MOSMO: variants seen among roughly 807,000 people sequenced by gnomAD.
MOSMO encodes the protein modulator of smoothened protein.
A neutral mutation model predicts 18.4 loss-of-function variants in MOSMO; 5 were observed. That is an observed-to-expected ratio of 0.27 (90% CI 0.14 to 0.57). MOSMO has a LOEUF of 0.57. MOSMO is among the 20% of genes least tolerant of loss of function. The pLI, the probability that MOSMO is intolerant of heterozygous loss-of-function variation, is 0.92. For synonymous variants in MOSMO, 82 were observed against 82.3 expected (o/e 1.00, Z 0.02); for missense variants, 138 against 211.8 (o/e 0.65, Z 2.16).
chr16:22,077,250 C>G (rs112690964), intron 2 of MOSMO, among the ~76,000 whole-genome samples: 2 of 152,114 alleles, frequency 1.3e-5, no homozygotes, highest in Middle Eastern at 3.2e-3. Context: ...GTTATATGCT[C>G]TCATGAGCTA....
At chr16:22,047,275 T>C (rs34270610) in intron 1 of MOSMO, among the ~76,000 whole-genome samples, 11,809 of 147,628 alleles carry the variant, frequency 0.08, 670 homozygotes, top group South Asian at 0.24. Flanking sequence ...GACGGAGTCT[T>C]GCTCTGTCGC....
intron 1 of MOSMO, among the ~76,000 whole-genome samples, chr16:22,063,008 AT>A (rs2141762256): frequency 6.6e-6 from 1 of 152,264 alleles, no homozygotes; most frequent in African/African-American, 2.4e-5. Context: ...ACATGCCACC[AT>A]TCCCAGCTAA....
At position 22,033,359 on chromosome 16, in the gene MOSMO, T is replaced by A. The variant is rs552288313; in HGVS notation, c.106+24952T>A. Among the ~76,000 whole-genome samples, 12 of 152,278 alleles carry A rather than the reference T, an allele frequency of 7.9e-5. 2 individuals carry two copies. The highest frequency in any genetic ancestry group is 7.8e-4 in the Admixed American group (12 of 15,296). ...TAAATCTTTAGTTTCAGCAACATTTTATAGTGTTCAGTGTACAAGTCTTGT... is the reference window on the plus strand; with the variant it reads ...TAAATCTTTAGTTTCAGCAACATTTAATAGTGTTCAGTGTACAAGTCTTGT... On this transcript the variant is annotated intron_variant, in intron 1 of 2. Coordinates refer to ENST00000542527, the MANE Select transcript of MOSMO (RefSeq NM_001164579.2).
intron 1 of MOSMO, among the ~76,000 whole-genome samples, chr16:22,073,377 T>C (rs947627995): frequency 6.6e-6 from 1 of 152,142 alleles, no homozygotes; most frequent in Non-Finnish European, 1.5e-5. Context: ...TTGCCAGCAG[T>C]TACATCTTTT....
chr16:22,046,492 A>G (rs1900311717), intron 1 of MOSMO, among the ~76,000 whole-genome samples: 1 of 152,200 alleles, frequency 6.6e-6, no homozygotes, highest in African/African-American at 2.4e-5. Context: ...TTATATATTA[A>G]TAATCCTGTA....
intron 1 of MOSMO, among the ~76,000 whole-genome samples, chr16:22,072,588 G>T (rs1019276595): frequency 6.6e-6 from 1 of 152,116 alleles, no homozygotes; most frequent in East Asian, 1.9e-4. Flanking sequence ...GAGACGGGCG[G>T]ATCACGAGGT....
chr16:22,087,880 T>G (rs1048828686), downstream of MOSMO, among the ~76,000 whole-genome samples: 1 of 152,240 alleles, frequency 6.6e-6, no homozygotes, highest in Non-Finnish European at 1.5e-5. Context: ...TGTAGATTTT[T>G]TTAAAAAACA....
At chr16:22,024,556 G>A (rs918106412) in intron 1 of MOSMO, among the ~76,000 whole-genome samples, 6 of 151,826 alleles carry the variant, frequency 4.0e-5, no homozygotes, top group African/African-American at 1.2e-4. Context: ...TAGCAGAGAC[G>A]GGGTTTCACC....
At chr16:22,052,126 G>A (rs1230277903) in intron 1 of MOSMO, among the ~76,000 whole-genome samples, 6 of 152,062 alleles carry the variant, frequency 3.9e-5, no homozygotes, top group African/African-American at 9.7e-5. Flanking sequence ...ATTTCGTAAC[G>A]ATAAATTAGG....
At chr16:22,011,677 T>C (rs886938671) in intron 1 of MOSMO, among the ~76,000 whole-genome samples, 5 of 152,108 alleles carry the variant, frequency 3.3e-5, no homozygotes, top group Admixed American at 6.6e-5. Flanking sequence ...TGATTGTTTT[T>C]TTTCTAAAAG....
intron 2 of MOSMO, chr16:22,076,092 A>G (rs1900962135): frequency 5.6e-6 from 1 of 178,406 alleles, no homozygotes; most frequent in Non-Finnish European, 1.2e-5. Flanking sequence ...GAAGGTGGAA[A>G]TATTTTTTAA....
chr16:22,010,301 A>C (rs937538461), intron 1 of MOSMO, among the ~76,000 whole-genome samples: 1 of 152,210 alleles, frequency 6.6e-6, no homozygotes, highest in Admixed American at 6.5e-5. Context: ...ATTTGGTGGT[A>C]CTATGGGCTT....
chr16:22,040,944 A>G (rs1567506036), intron 1 of MOSMO, among the ~76,000 whole-genome samples: 1 of 152,178 alleles, frequency 6.6e-6, no homozygotes, highest in Non-Finnish European at 1.5e-5. Context: ...AGCCTGGGCA[A>G]CAGATTGAGA....
At chr16:22,092,629 G>A in the MOSMO span, 2 of 1,550,772 alleles carry the variant, frequency 1.3e-6, no homozygotes, top group Non-Finnish European at 8.7e-7. Flanking sequence ...CCCAAAGATG[G>A]AGAAATAAAT....
intron 1 of MOSMO, among the ~76,000 whole-genome samples, chr16:22,025,166 A>G (rs1051533935): frequency 6.6e-6 from 1 of 152,106 alleles, no homozygotes; most frequent in South Asian, 2.1e-4. Flanking sequence ...AAAAAAAAAA[A>G]ATTCTATCTG....
chr16:22,040,118 T>C (rs554962199), intron 1 of MOSMO, among the ~76,000 whole-genome samples: 6 of 152,266 alleles, frequency 3.9e-5, no homozygotes, highest in African/African-American at 1.4e-4. Flanking sequence ...CATAAAGATC[T>C]GGACAGGAAT....
chr16:22,032,971 C>T (rs1385711928), intron 1 of MOSMO, among the ~76,000 whole-genome samples: 1 of 152,120 alleles, frequency 6.6e-6, no homozygotes, highest in Non-Finnish European at 1.5e-5. Flanking sequence ...GTCATGTCAC[C>T]CTTGTTGAAA....
intron 1 of MOSMO, among the ~76,000 whole-genome samples, chr16:22,016,413 A>C (rs1899638533): frequency 6.6e-6 from 1 of 152,088 alleles, no homozygotes; most frequent in Admixed American, 6.6e-5. Flanking sequence ...TGTCTTATTT[A>C]TTTACTTATA....
At chr16:22,032,188 C>CTTTTT (rs1323183775) in intron 1 of MOSMO, among the ~76,000 whole-genome samples, 13 of 132,662 alleles carry the variant, frequency 9.8e-5, no homozygotes, top group Admixed American at 2.3e-4. Flanking sequence ...CTACCCTTTT[C>CTTTTT]TTTTTTTTTT....
Sources: gnomAD v4.1 joint callset for allele counts (sites outside exome capture counted in the v4.1 genomes callset) on GRCh38, gnomAD v4.1.1 for gene constraint, MANE v1.5 for transcripts, NCBI Gene and HGNC (gene_info 2026-07-23, HGNC 2026-07-21) for gene names.